SH3BP2: variants seen among roughly 807,000 people sequenced by gnomAD.
The protein encoded by SH3BP2 is SH3 domain-binding protein 2.
SH3BP2 carries 38 observed loss-of-function variants against 56.2 expected under a neutral mutation model. The observed-to-expected ratio is 0.68, with a 90% confidence interval of 0.52 to 0.89. The LOEUF is 0.89. Among genes scored for constraint, SH3BP2 ranks in the 40% least tolerant of loss-of-function variants. SH3BP2 has a pLI of 0.00. For synonymous variants in SH3BP2, 346 were observed against 316.7 expected (o/e 1.09, Z -0.98); for missense variants, 748 against 762.6 (o/e 0.98, Z 0.23).
In SH3BP2 at chr4:2,840,551, AGTCT is replaced by A. The variant is rs1327962855; in HGVS notation, c.*6724_*6727del. The stretch of plus-strand genomic sequence containing the variant: ...GTTGGATTCTTTCCTCTGTTCCATT[AGTCT>A]GTCTGTTCTTGTGCCAATATCAAGC... On this transcript the variant is annotated 3_prime_UTR_variant, in exon 13 of 13. Coordinates refer to ENST00000503393, the MANE Select transcript of SH3BP2 (RefSeq NM_001122681.2). 1 of 152,162 alleles carries A rather than the reference AGTCT, an allele frequency of 6.6e-6. No individual in the cohort carries two copies. Among genetic ancestry groups the A allele is most frequent in the African/African-American group, 2.4e-5 (1 of 41,422 alleles). 9.4% of individuals were successfully genotyped at this position (152,162 alleles called of 1,614,324 possible).
rs1398860858 is a variant in SH3BP2, at chr4:2,831,936, A to G, written c.1364A>G (p.Asn455Ser). 1.9e-6 allele frequency: 3 copies of G among 1,612,840 alleles called. No homozygotes were observed. Among genetic ancestry groups the G allele is most frequent in the African/African-American group, 2.7e-5 (2 of 74,916 alleles). The part of the protein sequence containing the change: ...DEDYEKVPLP[N>S]SVFVNTTESC... ...AGCCTCTTGCAGGTGCCACTGCCCA[A>G]CTCGGTCTTCGTCAACACCACGGAG... Residue 455 changes from asparagine (N) to serine (S), a missense_variant, in exon 10 of 13, where the codon AAC becomes AGC. Coordinates refer to ENST00000503393, the MANE Select transcript of SH3BP2 (RefSeq NM_001122681.2). This position sits in a 1 kb window ranked among gnomAD's most constrained non-coding sequence, Gnocchi z 4.1.
chr4:2,829,838 G>A lies in SH3BP2; in HGVS notation c.932G>A (p.Gly311Asp), dbSNP rs147908313. The change falls in exon 8 of 13, where the codon GGC becomes GAC. Residue 311 changes from glycine (G) to aspartate (D), a missense_variant. Coordinates refer to ENST00000503393, the MANE Select transcript of SH3BP2 (RefSeq NM_001122681.2). The surrounding 1 kb of genome is among the most constrained non-coding windows in gnomAD (Gnocchi z 4.9). ...ASPSPEPWTP[G>D]HGACSTSSAA... The stretch of plus-strand genomic sequence containing the variant: ...CCCAGCCCGGAGCCCTGGACCCCTG[G>A]CCACGGGGCCTGCTCCACTTCCAGT... The A allele has an allele frequency of 1.1e-5, 18 of 1,613,434 alleles. No homozygotes were observed. Among genetic ancestry groups the A allele is most frequent in the Non-Finnish European group, 1.4e-5 (16 of 1,179,998 alleles).
At chr4:2,801,932 A>G (rs1185174872) in intron 1 of SH3BP2, among the ~76,000 whole-genome samples, 1 of 151,766 alleles carries the variant, frequency 6.6e-6, no homozygotes, top group Non-Finnish European at 1.5e-5. Flanking sequence ...CCGTGGTGAA[A>G]CCCCGGCTCT....
intron 1 of SH3BP2, among the ~76,000 whole-genome samples, chr4:2,806,716 C>T (rs771796099): frequency 3.2e-4 from 49 of 152,360 alleles, no homozygotes; most frequent in Admixed American, 6.5e-4. Context: ...GCCAGAGCTC[C>T]GCCTAGGGCA....
rs145322536 is a variant in SH3BP2 at position 2,806,309 on chromosome 4, C to T, written c.-5+13171C>T. On this transcript the variant is annotated intron_variant, in intron 1 of 12. Transcript: ENST00000503393. ...TGCGGTGAGGGACAGTGAAACCCTT[C>T]AGGCCAGGAGAGGCGAGGCAGGGTG... Among the ~76,000 whole-genome samples, 59 of 152,266 alleles carry T rather than the reference C, an allele frequency of 3.9e-4. No homozygotes were observed. In the East Asian group the frequency reaches 0.011, roughly 29 times the overall value.
intron 1 of SH3BP2, among the ~76,000 whole-genome samples, chr4:2,814,137 T>G (rs1227941040): frequency 1.3e-5 from 2 of 152,214 alleles, no homozygotes; most frequent in Non-Finnish European, 2.9e-5. Context: ...CACGCCTGTG[T>G]GCATGCGAGC....
In SH3BP2 at chr4:2,829,702, C is replaced by T. The variant is rs1418589091; in HGVS notation, c.796C>T (p.Pro266Ser). The change falls in exon 8 of 13, where the codon CCT (proline) becomes TCT (serine). Residue 266 changes from proline to serine, a missense_variant. This residue lies in a region of SH3BP2 where 635 missense variants were observed against 615.0 expected (regional missense o/e 1.03). Transcript: ENST00000503393. This position sits in a 1 kb window ranked among gnomAD's most constrained non-coding sequence, Gnocchi z 4.9. ...CCCACTGTGCCCGAGGCGGGCTGAG[C>T]CTTGCCCCAGGGTACCTGCTACCCC... ...RDPLCPRRAE[P>S]CPRVPATPRR... The T allele has an allele frequency of 6.2e-7, 1 of 1,612,720 alleles. No individual in the cohort carries two copies. The highest frequency in any genetic ancestry group is 1.3e-5 in the African/African-American group (1 of 74,856).
intron 1 of SH3BP2, among the ~76,000 whole-genome samples, chr4:2,819,259 G>T (rs1284776068): frequency 6.6e-6 from 1 of 152,146 alleles, no homozygotes; most frequent in East Asian, 1.9e-4. Context: ...TCACTTTGTT[G>T]CCCAGGCTGG....
At chr4:2,825,457 CAG>C (rs1051902515) in intron 5 of SH3BP2, among the ~76,000 whole-genome samples, 52 of 144,486 alleles carry the variant, frequency 3.6e-4, no homozygotes, top group African/African-American at 1.2e-3. Context: ...TGCACACACA[CAG>C]AGCAACACGT....
At chr4:2,824,344 G>A (rs918093588) in intron 3 of SH3BP2, among the ~76,000 whole-genome samples, 18 of 152,146 alleles carry the variant, frequency 1.2e-4, no homozygotes, top group African/African-American at 4.1e-4. Context: ...GCATTGGCGG[G>A]CATCGAGGCA....
rs1417369438 is a variant in SH3BP2, at chr4:2,833,944, T to C, written c.*110T>C. 5 of 1,300,004 alleles carry C rather than the reference T, an allele frequency of 3.8e-6. No individual in the cohort carries two copies. Among genetic ancestry groups the C allele is most frequent in the Non-Finnish European group, 4.2e-6 (4 of 958,174 alleles). The allele number at this position is 1,300,004 out of a possible 1,614,324, so 80.5% of individuals were successfully genotyped here. A position where few individuals can be genotyped will look rare whatever the true frequency, so the allele number is the denominator to read the frequency against. Reference sequence around the variant, plus strand: ...GGGTGAGCAGGAGCAAGGCTGTGCTTGCCTAGGGCCTCTGTGATGGACATC... The same window carrying C: ...GGGTGAGCAGGAGCAAGGCTGTGCTCGCCTAGGGCCTCTGTGATGGACATC... On this transcript the variant is annotated 3_prime_UTR_variant, in exon 13 of 13. Transcript: ENST00000503393.
chr4:2,824,998 G>T lies in SH3BP2; in HGVS notation c.358-128G>T, dbSNP rs545995919. 1.1e-4 allele frequency: 99 copies of T among 865,086 alleles called. 2 individuals are homozygous for T. In the East Asian group the frequency reaches 2.6e-3, roughly 22 times the overall value. The allele number at this position is 865,086 out of a possible 1,614,324, so 53.6% of individuals were successfully genotyped here. A position where few individuals can be genotyped will look rare whatever the true frequency, so the allele number is the denominator to read the frequency against. The stretch of plus-strand genomic sequence containing the variant: ...CTGAGGGGAGCCACACAGCCATGTT[G>T]TATCCAGCCGGGTCGCCTCCTCTGA... On this transcript the variant is annotated intron_variant, in intron 4 of 12. Transcript: ENST00000503393.
Position 2,820,622 on chromosome 4 carries a change from C to T in SH3BP2, c.5C>T (p.Ala2Val), listed in dbSNP as rs1336877149. The T allele has an allele frequency of 1.1e-5, 17 of 1,614,008 alleles. No individual in the cohort carries two copies. The highest frequency in any genetic ancestry group is 7.7e-5 in the South Asian group (7 of 91,094). Reference protein sequence around the residue: MAAEEMHWPVPM... With the variant: MVAEEMHWPVPM... ...TTTGTCCTTTATTGCAGCTTCATGG[C>T]GGCTGAAGAGATGCATTGGCCTGTC... is the stretch of plus-strand genomic sequence containing the variant. Residue 2 changes from alanine (A) to valine (V), a missense_variant, in exon 2 of 13, where the codon GCG becomes GTG. By Grantham distance (64) the Ala-to-Val change is moderately conservative (BLOSUM62 0). This residue lies in a region of SH3BP2 where 104 missense variants were observed against 123.1 expected (regional missense o/e 0.84). Transcript: ENST00000503393.
At position 2,833,854 on chromosome 4, in the gene SH3BP2, C is replaced by T. The variant is rs766103331; in HGVS notation, c.*20C>T. On this transcript the variant is annotated 3_prime_UTR_variant, in exon 13 of 13. Coordinates refer to ENST00000503393, the MANE Select transcript of SH3BP2 (RefSeq NM_001122681.2). Reference sequence around the variant, plus strand: ...AGGTGATGGCAGTCCATGTGGCTGCCAGGCCAAGGCAGTCACAGGGGCCCT... The same window carrying T: ...AGGTGATGGCAGTCCATGTGGCTGCTAGGCCAAGGCAGTCACAGGGGCCCT... 6.5e-7 allele frequency: 1 copy of T among 1,546,836 alleles called. No homozygotes were observed. Among genetic ancestry groups the T allele is most frequent in the Non-Finnish European group, 8.7e-7 (1 of 1,147,212 alleles).
At chr4:2,826,799 T>C (rs912803526) in intron 5 of SH3BP2, 2 of 399,146 alleles carry the variant, frequency 5.0e-6, no homozygotes, top group Admixed American at 2.7e-5. Flanking sequence ...TGTGTGAACA[T>C]GTGTGCTTGT....
rs963966406 is a variant in SH3BP2 at position 2,836,151 on chromosome 4, C to T, written c.*2317C>T. 2.4e-4 allele frequency: 36 copies of T among 152,352 alleles called. No homozygotes were observed. Among genetic ancestry groups the T allele is most frequent in the African/African-American group, 8.2e-4 (34 of 41,436 alleles). The allele number at this position is 152,352 out of a possible 1,614,324, so 9.4% of individuals were successfully genotyped here. The stretch of plus-strand genomic sequence containing the variant: ...AGTTGAGGCCTGTGGTTACCCGAAG[C>T]CCAGCTGGGGCCCTGGTCCAGCCTC... On this transcript the variant is annotated 3_prime_UTR_variant, in exon 13 of 13. Coordinates refer to ENST00000503393, the MANE Select transcript of SH3BP2 (RefSeq NM_001122681.2).
At chr4:2,821,250 C>T (rs1216659129) in intron 2 of SH3BP2, among the ~76,000 whole-genome samples, 2 of 152,244 alleles carry the variant, frequency 1.3e-5, no homozygotes, top group African/African-American at 4.8e-5. Flanking sequence ...AGGCCAAGAG[C>T]ATCAGGGCCT....
intron 12 of SH3BP2, chr4:2,833,369 G>A: frequency 1.7e-6 from 1 of 571,824 alleles, no homozygotes; most frequent in Non-Finnish European, 3.1e-6. Context: ...AAATTCTGGG[G>A]CTCAAGCAAT....
intron 2 of SH3BP2, 120 bp downstream of exon 2, chr4:2,820,873 A>T (rs529594967): frequency 8.3e-7 from 1 of 1,199,432 alleles, no homozygotes; most frequent in South Asian, 1.5e-5. Context: ...GGATTTTCCC[A>T]TTCCCTCTCT....
Sources: gnomAD v4.1 joint callset for allele counts (sites outside exome capture counted in the v4.1 genomes callset) on GRCh38, gnomAD v4.1.1 for gene constraint, gnomAD v4.1.1 regional missense constraint, Gnocchi (gnomAD v3.1) non-coding constraint, MANE v1.5 for transcripts, NCBI Gene and HGNC (gene_info 2026-07-23, HGNC 2026-07-21) for gene names.